DENND5B: variants seen among roughly 807,000 people sequenced by gnomAD.
The protein encoded by DENND5B is DENN domain containing 5B.
DENND5B carries 34 observed loss-of-function variants against 140.6 expected under a neutral mutation model. The ratio of observed to expected loss-of-function variants is 0.24; its 90% CI spans 0.18 to 0.32. DENND5B has a LOEUF of 0.32. DENND5B is among the 10% of genes least tolerant of loss of function. DENND5B has a pLI of 1.00. For missense variants in DENND5B, 1,142 were observed against 1,560.2 expected (o/e 0.73, Z 4.52); for synonymous variants, 551 against 562.1 (o/e 0.98, Z 0.28).
intron 14 of DENND5B, among the ~76,000 whole-genome samples, chr12:31,402,903 C>T (rs7301326): frequency 0.38 from 58,191 of 151,728 alleles, 12,011 homozygotes; most frequent in East Asian, 0.57. Flanking sequence ...CATATATCAA[C>T]ATTAAACGTA....
chr12:31,435,307 C>T (rs767570747), intron 7 of DENND5B, among the ~76,000 whole-genome samples: 1 of 152,206 alleles, frequency 6.6e-6, no homozygotes, highest in Non-Finnish European at 1.5e-5. Flanking sequence ...ACAATACACA[C>T]ACATAAACAT....
At chr12:31,581,075 A>G (rs773269067) in intron 1 of DENND5B, among the ~76,000 whole-genome samples, 2 of 152,188 alleles carry the variant, frequency 1.3e-5, no homozygotes, top group Non-Finnish European at 2.9e-5. Flanking sequence ...ATTGCACTCC[A>G]GCCTGGACAA....
At position 31,456,928 on chromosome 12, in the gene DENND5B, T is replaced by TA. The variant is rs535601414; in HGVS notation, c.1092+3265dup. On this transcript the variant is annotated intron_variant, in intron 4 of 20. Coordinates refer to ENST00000389082, the MANE Select transcript of DENND5B (RefSeq NM_144973.4). Reference sequence around the variant, plus strand: ...ACTCCATCTCTACAAATAATAATTTTAAAAAATTAGCTGGGTGTGGTGGTG... The same window carrying TA: ...ACTCCATCTCTACAAATAATAATTTTAAAAAAATTAGCTGGGTGTGGTGGTG... Among the ~76,000 whole-genome samples the TA allele has an allele frequency of 5.1e-3, 777 of 152,160 alleles. 4 individuals carry two copies. The highest frequency in any genetic ancestry group is 0.018 in the African/African-American group (748 of 41,512).
chr12:31,456,235 C>T (rs1944769855), intron 4 of DENND5B, among the ~76,000 whole-genome samples: 1 of 148,174 alleles, frequency 6.7e-6, no homozygotes, highest in South Asian at 2.1e-4. Flanking sequence ...GAAGTTGAGG[C>T]AAAAGAATCA....
Position 31,460,211 on chromosome 12 carries a change from G to A in DENND5B, c.1075C>T (p.Leu359=). 6.2e-7 allele frequency: 1 copy of A among 1,613,156 alleles called. No individual in the cohort carries two copies. The highest frequency in any genetic ancestry group is 8.5e-7 in the Non-Finnish European group (1 of 1,179,538). The change falls in exon 4 of 21, where the codon CTA becomes TTA. Residue 359 remains leucine, a synonymous_variant. Transcript: ENST00000389082. ...QSKEGTDRSK[L]ELPQEANLCF... is the part of the protein sequence containing the mutation. ...AGTTTTACCTCTTGAGGAAGTTCTAGTTTAGAACGGTCAGTTCCTTCTTTT... is the reference window on the plus strand; with the variant it reads ...AGTTTTACCTCTTGAGGAAGTTCTAATTTAGAACGGTCAGTTCCTTCTTTT...
At chr12:31,464,711 C>T (rs1478395110) in intron 3 of DENND5B, among the ~76,000 whole-genome samples, 1 of 152,092 alleles carries the variant, frequency 6.6e-6, no homozygotes, top group Non-Finnish European at 1.5e-5. Context: ...CAGCTGTGCA[C>T]CACCACGCCT....
chr12:31,560,572 T>C (rs1259407), intron 1 of DENND5B, among the ~76,000 whole-genome samples: 11,866 of 152,200 alleles, frequency 0.078, 1,061 homozygotes, highest in African/African-American at 0.22. Flanking sequence ...TTAATACAGC[T>C]AGCTGCCAGG....
chr12:31,514,822 A>AG (rs1462110855), intron 1 of DENND5B, among the ~76,000 whole-genome samples: 2 of 114,006 alleles, frequency 1.8e-5, no homozygotes, highest in African/African-American at 6.5e-5. Flanking sequence ...ACTCCGTCTC[A>AG]AAAAAAAAAA....
intron 17 of DENND5B, among the ~76,000 whole-genome samples, chr12:31,396,938 A>G (rs1401761515): frequency 1.3e-5 from 2 of 152,238 alleles, no homozygotes; most frequent in East Asian, 3.9e-4. Flanking sequence ...GATGTGATCC[A>G]GGACAATCTC....
intron 2 of DENND5B, among the ~76,000 whole-genome samples, chr12:31,495,125 A>G (rs186475958): frequency 1.2e-3 from 181 of 152,290 alleles, no homozygotes; most frequent in East Asian, 1.5e-3. Context: ...CCTACCATAC[A>G]ATATTCCTTG....
At chr12:31,448,319 TAG>T (rs1405390568) in intron 5 of DENND5B, among the ~76,000 whole-genome samples, 1 of 151,886 alleles carries the variant, frequency 6.6e-6, no homozygotes, top group African/African-American at 2.4e-5. Flanking sequence ...GAATTTTTAG[TAG>T]AGACGGGGTT....
chr12:31,415,704 C>G (rs1593106161), intron 11 of DENND5B, among the ~76,000 whole-genome samples: 1 of 152,144 alleles, frequency 6.6e-6, no homozygotes, highest in African/African-American at 2.4e-5. Flanking sequence ...CCAACTTAGC[C>G]CTGTCCAGAG....
At chr12:31,420,917 A>G (rs896169232) in intron 11 of DENND5B, among the ~76,000 whole-genome samples, 12 of 152,262 alleles carry the variant, frequency 7.9e-5, no homozygotes, top group African/African-American at 2.9e-4. Context: ...CTATCTTTCC[A>G]TTCCTCTGCA....
intron 1 of DENND5B, among the ~76,000 whole-genome samples, chr12:31,518,945 T>G (rs1947780891): frequency 1.3e-5 from 2 of 152,200 alleles, no homozygotes; most frequent in African/African-American, 4.8e-5. Context: ...GCGTCAGAAA[T>G]GTTGCTGAAA....
chr12:31,491,816 C>G (rs961784328), intron 2 of DENND5B, among the ~76,000 whole-genome samples: 10 of 152,114 alleles, frequency 6.6e-5, no homozygotes, highest in African/African-American at 1.9e-4. Context: ...TTTTATTTAA[C>G]AAAGTTCACT....
intron 1 of DENND5B, among the ~76,000 whole-genome samples, chr12:31,573,126 A>C (rs1949881123): frequency 6.6e-6 from 1 of 152,234 alleles, no homozygotes; most frequent in African/African-American, 2.4e-5. Flanking sequence ...GTCAGGGAAC[A>C]GGGTACAAAA....
intron 1 of DENND5B, among the ~76,000 whole-genome samples, chr12:31,552,554 G>A (rs1949109226): frequency 6.6e-6 from 1 of 152,104 alleles, no homozygotes; most frequent in Non-Finnish European, 1.5e-5. Flanking sequence ...CCAGGCTTTG[G>A]TATCAGGATG....
chr12:31,523,411 G>A (rs935323162), intron 1 of DENND5B, among the ~76,000 whole-genome samples: 3 of 152,116 alleles, frequency 2.0e-5, no homozygotes, highest in African/African-American at 7.2e-5. Context: ...AGACAAGACT[G>A]AGATTGTTTA....
chr12:31,403,360 T>C (rs1037117970), intron 14 of DENND5B, among the ~76,000 whole-genome samples: 1 of 150,774 alleles, frequency 6.6e-6, no homozygotes, highest in Non-Finnish European at 1.5e-5. Flanking sequence ...AGAGGTTAGA[T>C]GTTATGCATG....
Sources: gnomAD v4.1 joint callset for allele counts (sites outside exome capture counted in the v4.1 genomes callset) on GRCh38, gnomAD v4.1.1 for gene constraint, MANE v1.5 for transcripts, NCBI Gene and HGNC (gene_info 2026-07-23, HGNC 2026-07-21) for gene names.